The following ADAMTSL3 variants were observed in gnomAD, a reference collection of about 807,000 sequenced individuals.
ADAMTSL3 encodes ADAMTS like 3.
In ADAMTSL3, 128 loss-of-function variants were observed where a neutral mutation model predicts 201.7. The observed-to-expected ratio is 0.63, with a 90% CI of 0.55 to 0.73. The LOEUF is 0.73. Among genes scored for constraint, ADAMTSL3 ranks in the 30% least tolerant of loss-of-function variants. ADAMTSL3 has a pLI of 0.00. For missense variants in ADAMTSL3, 1,990 were observed against 2,119.6 expected (o/e 0.94, Z 1.20); for synonymous variants, 738 against 748.4 (o/e 0.99, Z 0.23).
chr15:83,894,206 C>T (rs2065568054), intron 13 of ADAMTSL3, among the ~76,000 whole-genome samples: 1 of 152,178 alleles, frequency 6.6e-6, no homozygotes, highest in Non-Finnish European at 1.5e-5. Context: ...GGACAAGTGT[C>T]AGGTAAAGAC....
intron 2 of ADAMTSL3, among the ~76,000 whole-genome samples, chr15:83,668,468 A>G (rs1159284929): frequency 3.9e-5 from 6 of 152,024 alleles, no homozygotes; most frequent in African/African-American, 1.4e-4. Flanking sequence ...ACATGATATA[A>G]ACAATTTTTA....
intron 3 of ADAMTSL3, among the ~76,000 whole-genome samples, chr15:83,721,391 T>C (rs1230179886): frequency 1.3e-5 from 2 of 152,234 alleles, no homozygotes; most frequent in African/African-American, 4.8e-5. Context: ...CATTGATTAG[T>C]GTTGGACCTC....
chr15:83,855,108 A>G (rs748172403), intron 7 of ADAMTSL3, among the ~76,000 whole-genome samples: 3 of 152,268 alleles, frequency 2.0e-5, no homozygotes, highest in Non-Finnish European at 4.4e-5. Flanking sequence ...GTAATTGACA[A>G]CTTTGTTCTG....
At chr15:83,882,864 TG>T (rs1247414996) in intron 9 of ADAMTSL3, among the ~76,000 whole-genome samples, 3 of 152,114 alleles carry the variant, frequency 2.0e-5, no homozygotes, top group African/African-American at 7.2e-5. Flanking sequence ...TTATGCTTTT[TG>T]TTTTATTTTT....
At chr15:83,968,307 A>G (rs920759639) in intron 19 of ADAMTSL3, among the ~76,000 whole-genome samples, 2 of 152,226 alleles carry the variant, frequency 1.3e-5, no homozygotes, top group African/African-American at 2.4e-5. Flanking sequence ...AATATCCAGA[A>G]TCTACAAGGA....
chr15:83,825,786 T>G (rs1018324570), intron 6 of ADAMTSL3, among the ~76,000 whole-genome samples: 3 of 151,924 alleles, frequency 2.0e-5, no homozygotes, highest in Non-Finnish European at 2.9e-5. Flanking sequence ...TAACAGCAGG[T>G]GCAGATGTGT....
chr15:83,738,194 T>G (rs78967200), intron 3 of ADAMTSL3, among the ~76,000 whole-genome samples: 1,954 of 152,320 alleles, frequency 0.013, 24 homozygotes, highest in Non-Finnish European at 0.019. Flanking sequence ...AAGTTCAATT[T>G]TAAATTTAGA....
At chr15:83,995,189 C>A (rs898654366) in intron 23 of ADAMTSL3, among the ~76,000 whole-genome samples, 4 of 152,256 alleles carry the variant, frequency 2.6e-5, no homozygotes, top group African/African-American at 9.6e-5. Context: ...GACTAACAAC[C>A]AGAGGCTACC....
intron 9 of ADAMTSL3, among the ~76,000 whole-genome samples, chr15:83,880,686 A>G (rs1333463830): frequency 6.6e-6 from 1 of 152,198 alleles, no homozygotes; most frequent in Admixed American, 6.5e-5. Flanking sequence ...GAACATTTTA[A>G]TCTTGTTCCA....
At chr15:84,001,073 C>T (rs1336737686) in intron 23 of ADAMTSL3, among the ~76,000 whole-genome samples, 2 of 152,200 alleles carry the variant, frequency 1.3e-5, no homozygotes, top group African/African-American at 2.4e-5. Flanking sequence ...AACTAAATTG[C>T]ATCAATGGTC....
intron 23 of ADAMTSL3, among the ~76,000 whole-genome samples, chr15:84,000,077 A>C (rs865970160): frequency 1.2e-4 from 18 of 151,622 alleles, no homozygotes; most frequent in African/African-American, 3.9e-4. Flanking sequence ...AAAAAGAACT[A>C]TCTCTCCAGA....
At chr15:83,891,197 A>G (rs964306372) in intron 11 of ADAMTSL3, 132 bp from the exon 12 acceptor site, 2 of 718,958 alleles carry the variant, frequency 2.8e-6, no homozygotes, top group Admixed American at 2.7e-5. Context: ...GGAATGGTTG[A>G]TAACACTTGA....
intron 9 of ADAMTSL3, among the ~76,000 whole-genome samples, chr15:83,882,290 C>CA (rs1456270412): frequency 6.6e-6 from 1 of 152,230 alleles, no homozygotes; most frequent in Non-Finnish European, 1.5e-5. Flanking sequence ...AGCTCCTTAG[C>CA]AGTGTATCCT....
chr15:83,740,618 A>G (rs1273058773), intron 3 of ADAMTSL3, among the ~76,000 whole-genome samples: 2 of 152,124 alleles, frequency 1.3e-5, no homozygotes, highest in African/African-American at 2.4e-5. Flanking sequence ...GGACATAAAG[A>G]TAAGAATAAA....
At chr15:84,007,918 T>C (rs2401186) in intron 23 of ADAMTSL3, among the ~76,000 whole-genome samples, 73,326 of 151,992 alleles carry the variant, frequency 0.48, 18,149 homozygotes, top group East Asian at 0.61. Flanking sequence ...GCTATTGCCT[T>C]AGTTCTTGAT....
At chr15:83,658,755 C>T (rs1393013056) in intron 2 of ADAMTSL3, among the ~76,000 whole-genome samples, 1 of 152,210 alleles carries the variant, frequency 6.6e-6, no homozygotes, top group Non-Finnish European at 1.5e-5. Context: ...TATTTGAGAG[C>T]TTTCCAAACT....
intron 3 of ADAMTSL3, among the ~76,000 whole-genome samples, chr15:83,731,435 G>A (rs148401453): frequency 1.1e-4 from 16 of 152,124 alleles, no homozygotes; most frequent in African/African-American, 3.9e-4. Flanking sequence ...TGAAGAAAAG[G>A]AACTCTTATA....
In ADAMTSL3 at chr15:83,873,679, A is replaced by G. The variant is rs1026605233; in HGVS notation, c.960+2720A>G. Among the ~76,000 whole-genome samples, 11 of 145,706 alleles carry G rather than the reference A, an allele frequency of 7.5e-5. 2 individuals are homozygous for G. Among genetic ancestry groups the G allele is most frequent in the Non-Finnish European group, 1.6e-4 (11 of 66,802 alleles). ...GAGGTGTGAGCCACCATGGCTGGCC[A>G]CATACTTTTATTATAAAACTCATTT... On this transcript the variant is annotated intron_variant, in intron 9 of 29. Coordinates refer to ENST00000286744, the MANE Select transcript of ADAMTSL3 (RefSeq NM_207517.3).
intron 6 of ADAMTSL3, among the ~76,000 whole-genome samples, chr15:83,823,002 G>A (rs1471011949): frequency 3.9e-5 from 6 of 152,022 alleles, no homozygotes; most frequent in South Asian, 2.1e-4. Context: ...AGACCAGCCC[G>A]GCCAACACAG....
Sources: allele counts gnomAD v4.1 joint callset (sites outside exome capture counted in the v4.1 genomes callset), GRCh38; gene constraint gnomAD v4.1.1; transcripts MANE v1.5; gene names NCBI Gene and HGNC (gene_info 2026-07-23, HGNC 2026-07-21).